Variants in C16orf89 observed in about 807,000 individuals in gnomAD.
The protein encoded by C16orf89 is chromosome 16 open reading frame 89, also known as UPF0764 protein C16orf89.
A neutral mutation model predicts 41.5 loss-of-function variants in C16orf89; 57 were observed. That is an observed-to-expected ratio of 1.38 (90% CI 1.11 to 1.71). The LOEUF (loss-of-function observed/expected upper bound fraction) is 1.71. Ranked by LOEUF, C16orf89 falls within the 40% of genes most tolerant of loss-of-function variation. The pLI is 0.00. For missense variants in C16orf89, 575 were observed against 445.9 expected, an observed-to-expected ratio of 1.29 and a Z score of -2.61; for synonymous variants, 223 against 190.6, an observed-to-expected ratio of 1.17 and a Z score of -1.40.
chr16:5,046,205 G>T (rs936343281), intron 7 of C16orf89, among the ~76,000 whole-genome samples: 2 of 152,174 alleles, frequency 1.3e-5, no homozygotes, highest in African/African-American at 4.8e-5. Flanking sequence ...GGTGGATGAT[G>T]AGGCCACAGT....
chr16:5,050,704 G>A (rs571114191), intron 6 of C16orf89, among the ~76,000 whole-genome samples: 2 of 152,224 alleles, frequency 1.3e-5, no homozygotes, highest in South Asian at 2.1e-4. Flanking sequence ...ACTATAGGCC[G>A]ATTTCCCTGA....
At chr16:5,048,192 C>G (rs886469913) in intron 6 of C16orf89, among the ~76,000 whole-genome samples, 3 of 152,004 alleles carry the variant, frequency 2.0e-5, no homozygotes, top group South Asian at 2.1e-4. Context: ...CCATGTCCAG[C>G]TATTTAAAAA....
At chr16:5,062,401 A>T (rs767923857) in intron 2 of C16orf89, 24 bp downstream of exon 2, 1 of 1,593,214 alleles carries the variant, frequency 6.3e-7, no homozygotes, top group Non-Finnish European at 8.6e-7. Flanking sequence ...TCCTGAGGGA[A>T]TGGGACACCC....
chr16:5,052,563 C>G (rs1031986592), intron 6 of C16orf89, among the ~76,000 whole-genome samples: 4 of 151,660 alleles, frequency 2.6e-5, no homozygotes, highest in African/African-American at 9.7e-5. Context: ...TGCACTCCAG[C>G]CTGGGTGACA....
At chr16:5,049,176 T>G (rs979188104) in intron 6 of C16orf89, among the ~76,000 whole-genome samples, 5 of 152,178 alleles carry the variant, frequency 3.3e-5, no homozygotes, top group African/African-American at 7.2e-5. Context: ...TCAAAAAATA[T>G]ATGTATTAAA....
intron 6 of C16orf89, among the ~76,000 whole-genome samples, chr16:5,050,973 G>T (rs1324679460): frequency 6.6e-6 from 1 of 152,162 alleles, no homozygotes; most frequent in Admixed American, 6.5e-5. Flanking sequence ...CTTAATAGAT[G>T]CAGGAAAATG....
At chr16:5,058,027 C>G (rs1461730107) in intron 4 of C16orf89, among the ~76,000 whole-genome samples, 1 of 152,134 alleles carries the variant, frequency 6.6e-6, no homozygotes, top group Non-Finnish European at 1.5e-5. Context: ...AGGGGCCCTA[C>G]TTCTCCCTCC....
chr16:5,044,839 GTC>G, intron 7 of C16orf89: 1 of 1,236,262 alleles, frequency 8.1e-7, no homozygotes, highest in African/African-American at 1.6e-5. Flanking sequence ...GCGAGAATCT[GTC>G]TCAAAAAAAA....
At chr16:5,055,608 A>C (rs1344851317) in intron 5 of C16orf89, 1 of 1,394,422 alleles carries the variant, frequency 7.2e-7, no homozygotes, top group East Asian at 2.5e-5. Context: ...GAGTTTGGAC[A>C]CCCCAGCCAG....
chr16:5,044,202 G>C lies in C16orf89; in HGVS notation c.*146C>G, dbSNP rs902458937. ...ACCTACCCTGGCCTTGCCTACTCAG[G>C]GCTTCCAAGATTGGGTGTCGGGGTG... On this transcript the variant is annotated 3_prime_UTR_variant, in exon 8 of 8. Transcript: ENST00000472572. 1 of 1,403,586 alleles carries C rather than the reference G, an allele frequency of 7.1e-7. No homozygotes were observed. The highest frequency in any genetic ancestry group is 1.6e-5 in the South Asian group (1 of 60,886). 86.9% of individuals were successfully genotyped at this position (1,403,586 alleles called of 1,614,324 possible).
At position 5,057,926 on chromosome 16, in the gene C16orf89, G is replaced by A. The variant is rs1415388176; in HGVS notation, c.627+567C>T. Among the ~76,000 whole-genome samples the A allele has an allele frequency of 1.3e-5, 2 of 151,928 alleles. 1 individual carries two copies. The highest frequency in any genetic ancestry group is 3.9e-4 in the East Asian group (2 of 5,132). The stretch of plus-strand genomic sequence containing the variant: ...TGTTTTTCTGATGCCCTACAGTCCA[G>A]TTCAGCAGGCAAAGCTATCTGTTTC... On this transcript the variant is annotated intron_variant, in intron 4 of 7. Transcript: ENST00000472572.
intron 6 of C16orf89, among the ~76,000 whole-genome samples, chr16:5,048,268 C>T (rs935543919): frequency 6.6e-6 from 1 of 152,142 alleles, no homozygotes; most frequent in African/African-American, 2.4e-5. Flanking sequence ...CTCCTGAGCT[C>T]AAGTGACCCT....
At chr16:5,054,186 C>T (rs767043689) in intron 6 of C16orf89, among the ~76,000 whole-genome samples, 4 of 152,202 alleles carry the variant, frequency 2.6e-5, no homozygotes, top group Non-Finnish European at 5.9e-5. Flanking sequence ...CTGGGAGCTG[C>T]CGTGTACCTG....
At chr16:5,051,338 A>G (rs1956392636) in intron 6 of C16orf89, among the ~76,000 whole-genome samples, 1 of 152,222 alleles carries the variant, frequency 6.6e-6, no homozygotes, top group Admixed American at 6.5e-5. Context: ...TAGAACTGAT[A>G]AATGAATTCA....
At chr16:5,060,253 G>T (rs1350869335) in intron 3 of C16orf89, 33 bp downstream of exon 3, 1 of 1,577,996 alleles carries the variant, frequency 6.3e-7, no homozygotes, top group Non-Finnish European at 8.6e-7. Context: ...GTGCGTTTGG[G>T]TTTCCAGCAA....
intron 7 of C16orf89, among the ~76,000 whole-genome samples, chr16:5,045,481 G>A (rs1212553325): frequency 1.3e-5 from 2 of 152,182 alleles, no homozygotes; most frequent in African/African-American, 4.8e-5. Context: ...GTGGAAGGGA[G>A]CCAGGAATTC....
Position 5,044,264 on chromosome 16 carries a change from G to T in C16orf89, c.*84C>A. ...CCTCCAGATGCCTTCTTCCCAGGAT[G>T]TGATCCGTGCCCTCCAGGATCTAAG... On this transcript the variant is annotated 3_prime_UTR_variant, in exon 8 of 8. Coordinates refer to ENST00000472572, the MANE Select transcript of C16orf89 (RefSeq NM_001098514.3). 3 of 1,477,268 alleles carry T rather than the reference G, an allele frequency of 2.0e-6. No individual in the cohort carries two copies. The highest frequency in any genetic ancestry group is 1.4e-5 in the African/African-American group (1 of 69,926). The allele number at this position is 1,477,268 out of a possible 1,614,324, so 91.5% of individuals were successfully genotyped here. A position where few individuals can be genotyped will look rare whatever the true frequency, so the allele number is the denominator to read the frequency against.
At chr16:5,061,922 T>C (rs1391277017) in intron 2 of C16orf89, among the ~76,000 whole-genome samples, 1 of 151,984 alleles carries the variant, frequency 6.6e-6, no homozygotes, top group Non-Finnish European at 1.5e-5. Context: ...TCGGGGCTGG[T>C]GAGGAGAGAG....
chr16:5,047,999 A>G (rs1956330648), intron 6 of C16orf89, 35 bp from the exon 7 acceptor site: 2 of 1,129,040 alleles, frequency 1.8e-6, no homozygotes, highest in Non-Finnish European at 2.6e-6. Flanking sequence ...TTCTCAAGAG[A>G]GATTTTTATT....
Sources: allele counts gnomAD v4.1 joint callset (sites outside exome capture counted in the v4.1 genomes callset), GRCh38; gene constraint gnomAD v4.1.1; transcripts MANE v1.5; gene names NCBI Gene and HGNC (gene_info 2026-07-23, HGNC 2026-07-21).